LAMB1: variants seen among roughly 807,000 people sequenced by gnomAD.
LAMB1 encodes the protein laminin subunit beta 1.
Under a neutral mutation model 222.3 loss-of-function variants are expected in LAMB1, and 121 were observed. The ratio of observed to expected loss-of-function variants is 0.54; its 90% CI spans 0.47 to 0.63. The LOEUF (loss-of-function observed/expected upper bound fraction) is 0.63. Among genes scored for constraint, LAMB1 ranks in the 30% least tolerant of loss-of-function variants. The pLI, the probability that LAMB1 is intolerant of heterozygous loss-of-function variation, is 0.00. For missense variants in LAMB1, 2,172 were observed against 2,240.8 expected (o/e 0.97, Z 0.62); for synonymous variants, 794 against 807.2 (o/e 0.98, Z 0.28).
intron 31 of LAMB1, 90 bp downstream of exon 31, chr7:107,928,974 A>G (rs2032637255): frequency 8.0e-7 from 1 of 1,251,618 alleles, no homozygotes; most frequent in Non-Finnish European, 1.2e-6. Flanking sequence ...TTGAGTTGTA[A>G]GAATTTCTGT....
rs369235660 is a variant in LAMB1 at position 107,959,311 on chromosome 7, G to A, written c.2628C>T (p.Cys876=). ...TCAAGCACTCCCCAGTCACTGGGTC[G>A]CAGTCATCGGCGTGGCCATTGCACT... is the stretch of plus-strand genomic sequence containing the variant. ...PCQCNGHADD[C]DPVTGECLNC... Residue 876 remains cysteine (C), a synonymous_variant, in exon 20 of 34, where the codon TGC becomes TGT. Coordinates refer to ENST00000222399, the MANE Select transcript of LAMB1 (RefSeq NM_002291.3). 2.3e-5 allele frequency: 37 copies of A among 1,614,098 alleles called. No individual in the cohort carries two copies. The highest frequency in any genetic ancestry group is 9.9e-5 in the South Asian group (9 of 91,088).
At chr7:107,947,560 C>G (rs773894531) in intron 24 of LAMB1, among the ~76,000 whole-genome samples, 2 of 152,212 alleles carry the variant, frequency 1.3e-5, no homozygotes, top group African/African-American at 2.4e-5. Context: ...TTGTCTGCCT[C>G]TGCATCTTGG....
At position 107,975,403 on chromosome 7, in the gene LAMB1, A is replaced by G. The variant is rs1297272720; in HGVS notation, c.1200T>C (p.Cys400=). Residue 400 remains cysteine (C), a synonymous_variant, in exon 11 of 34, where the codon TGT becomes TGC. Transcript: ENST00000222399. ...CCTCATTTTGAGAGCCAGCTGGGTC[A>G]CACGTACATCCTGAGAAGAATGCAA... ...RDPNFCERCT[C]DPAGSQNEGI... is the part of the protein sequence containing the mutation. 1 of 1,611,950 alleles carries G rather than the reference A, an allele frequency of 6.2e-7. No individual in the cohort carries two copies. The highest frequency in any genetic ancestry group is 2.2e-5 in the East Asian group (1 of 44,860).
intron 19 of LAMB1, 66 bp downstream of exon 19, chr7:107,959,625 T>C (rs1157633044): frequency 6.2e-7 from 1 of 1,613,892 alleles, no homozygotes; most frequent in South Asian, 1.1e-5. Flanking sequence ...TCTGCAGCAA[T>C]GGAACCCTGC....
At chr7:107,937,440 T>C (rs549568767) in intron 25 of LAMB1, among the ~76,000 whole-genome samples, 163 bp from the exon 26 acceptor site, 2 of 152,344 alleles carry the variant, frequency 1.3e-5, no homozygotes, top group Admixed American at 6.5e-5. Flanking sequence ...TTATAACAGA[T>C]AGTATTAAAT....
chr7:107,935,128 T>G (rs368178981), intron 27 of LAMB1, among the ~76,000 whole-genome samples: 23 of 151,964 alleles, frequency 1.5e-4, no homozygotes, highest in East Asian at 7.7e-4. Context: ...ACTGAGTAGC[T>G]AAAACAGTAT....
intron 20 of LAMB1, among the ~76,000 whole-genome samples, chr7:107,956,747 A>G (rs2033386319): frequency 6.6e-6 from 1 of 152,206 alleles, no homozygotes; most frequent in Admixed American, 6.5e-5. Flanking sequence ...TGAGGGGGTG[A>G]CAGGGGTGCT....
chr7:107,956,739 AG>A (rs376127008), intron 20 of LAMB1, among the ~76,000 whole-genome samples: 9 of 152,138 alleles, frequency 5.9e-5, no homozygotes, highest in Non-Finnish European at 1.0e-4. Context: ...ACTGGAGCTG[AG>A]GGGGTGACAG....
intron 5 of LAMB1, among the ~76,000 whole-genome samples, chr7:107,991,479 T>G (rs577626964): frequency 4.0e-5 from 6 of 149,650 alleles, no homozygotes; most frequent in Non-Finnish European, 8.9e-5. Flanking sequence ...CCCAGCTACT[T>G]GGGGGGCTGA....
Position 107,961,193 on chromosome 7 carries a change from A to C in LAMB1, c.2109+13T>G. On this transcript the variant is annotated intron_variant, in intron 17 of 33. Coordinates refer to ENST00000222399, the MANE Select transcript of LAMB1 (RefSeq NM_002291.3). ...GGCTTTCCTGCATATGCCAGAAGCA[A>C]TCTCGCACTTACAGAATCGATCAGC... 6.2e-7 allele frequency: 1 copy of C among 1,613,944 alleles called. No homozygotes were observed. Among genetic ancestry groups the C allele is most frequent in the Non-Finnish European group, 8.5e-7 (1 of 1,179,970 alleles).
At chr7:107,976,255 G>A (rs2033852494) in intron 9 of LAMB1, among the ~76,000 whole-genome samples, 1 of 152,124 alleles carries the variant, frequency 6.6e-6, no homozygotes, top group Non-Finnish European at 1.5e-5. Flanking sequence ...ACTGTAGCGA[G>A]GGACCTTCCA....
Position 108,002,678 on chromosome 7 carries a change from C to T in LAMB1, c.37+171G>A, listed in dbSNP as rs189826359. Among the ~76,000 whole-genome samples the T allele has an allele frequency of 3.3e-3, 506 of 152,332 alleles. 2 individuals carry two copies. Among genetic ancestry groups the T allele is most frequent in the African/African-American group, 0.012 (491 of 41,586 alleles). ...GTCCGCGGCGCTCCGCGTGCGCTGT[C>T]TCCAGCCACCACCGAAGCAAGGGCG... On this transcript the variant is annotated intron_variant, in intron 2 of 33. Transcript: ENST00000222399.
rs569414223 is a variant in LAMB1, at chr7:107,968,935, GA to G, written c.1562+4056del. On this transcript the variant is annotated intron_variant, in intron 13 of 33. Transcript: ENST00000222399. The stretch of plus-strand genomic sequence containing the variant: ...GTGGTAATTTGTTATGGCAGCAATA[GA>G]AAACTGATACAGGCTCTATGTTTTC... 8.5e-5 allele frequency among the ~76,000 whole-genome samples: 13 copies of G among 152,228 alleles called. No homozygotes were observed. The East Asian group carries it at 2.1e-3, about 25-fold the overall frequency.
chr7:107,994,981 A>T, intron 4 of LAMB1, 21 bp from the exon 5 acceptor site: 1 of 1,340,130 alleles, frequency 7.5e-7, no homozygotes, highest in Non-Finnish European at 1.1e-6. Context: ...TTTAAAAAAA[A>T]TAAAACAATA....
chr7:107,990,469 A>T (rs1351692949), intron 5 of LAMB1, among the ~76,000 whole-genome samples: 1 of 152,228 alleles, frequency 6.6e-6, no homozygotes, highest in East Asian at 1.9e-4. Context: ...GAAAAAAATC[A>T]ACAACCTCAG....
chr7:107,931,203 A>G (rs1029038971), intron 29 of LAMB1, among the ~76,000 whole-genome samples, 153 bp downstream of exon 29: 1 of 152,238 alleles, frequency 6.6e-6, no homozygotes, highest in African/African-American at 2.4e-5. Flanking sequence ...ATACACATAT[A>G]TAAGTTTAAG....
chr7:107,987,811 T>A (rs1224774869), intron 5 of LAMB1, among the ~76,000 whole-genome samples: 3 of 152,172 alleles, frequency 2.0e-5, no homozygotes, highest in Admixed American at 2.0e-4. Context: ...CCAAACTGGA[T>A]CTTAAAAGGG....
rs200599445 is a variant in LAMB1 at position 107,935,347 on chromosome 7, G to GTTTTTTTTTTTTTTTTTTT, written c.4188+49_4188+67dup. 1.8e-5 allele frequency: 21 copies of GTTTTTTTTTTTTTTTTTTT among 1,173,264 alleles called. 3 individuals carry two copies. In the African/African-American group the frequency reaches 3.4e-4, roughly 19 times the overall value. The allele number at this position is 1,173,264 out of a possible 1,614,324, so 72.7% of individuals were successfully genotyped here. A position where few individuals can be genotyped will look rare whatever the true frequency, so the allele number is the denominator to read the frequency against. On this transcript the variant is annotated intron_variant, in intron 27 of 33. Coordinates refer to ENST00000222399, the MANE Select transcript of LAMB1 (RefSeq NM_002291.3). ...GACAAAAGATGGTTTGTTTTTCTTT[G>GTTTTTTTTTTTTTTTTTTT]TTTTTTTTTTTTTTTTTTTTTTTTT...
chr7:107,962,871 C>T, intron 15 of LAMB1, 34 bp downstream of exon 15: 1 of 1,581,848 alleles, frequency 6.3e-7, no homozygotes, highest in Non-Finnish European at 8.6e-7. Flanking sequence ...TTCTCCCCTC[C>T]CTCCTCCACC....
Sources: allele counts gnomAD v4.1 joint callset (sites outside exome capture counted in the v4.1 genomes callset), GRCh38; gene constraint gnomAD v4.1.1; transcripts MANE v1.5; gene names NCBI Gene and HGNC (gene_info 2026-07-23, HGNC 2026-07-21).